Variants in PLS1 observed in about 807,000 individuals in gnomAD.
PLS1 encodes the protein plastin-1.
Under a neutral mutation model 73.7 loss-of-function variants are expected in PLS1, and 32 were observed. The ratio of observed to expected loss-of-function variants is 0.43; its 90% CI spans 0.33 to 0.58. The LOEUF is 0.58. Ranked by LOEUF, PLS1 falls within the 20% of genes least tolerant of loss-of-function variation. PLS1 has a pLI of 0.04. For synonymous variants in PLS1, 217 were observed against 261.3 expected (o/e 0.83, Z 1.63); for missense variants, 633 against 740.5 (o/e 0.85, Z 1.68).
chr3:142,662,722 G>C (rs1156304604), intron 1 of PLS1, among the ~76,000 whole-genome samples: 1 of 152,160 alleles, frequency 6.6e-6, no homozygotes, highest in Non-Finnish European at 1.5e-5. Flanking sequence ...TGAAAAATTA[G>C]AAGCAGTACA....
At chr3:142,709,527 A>G (rs1265702893) in intron 14 of PLS1, among the ~76,000 whole-genome samples, 1 of 152,248 alleles carries the variant, frequency 6.6e-6, no homozygotes, top group Non-Finnish European at 1.5e-5. Flanking sequence ...TCTAAAATTA[A>G]TAAATGAGGC....
chr3:142,656,573 T>A (rs1389182005), intron 1 of PLS1: 1 of 152,262 alleles, frequency 6.6e-6, no homozygotes, highest in Non-Finnish European at 1.5e-5. Context: ...CCAAAATGAA[T>A]GATACAGCTC....
Position 142,686,369 on chromosome 3 carries a change from G to A in PLS1, c.974G>A (p.Gly325Glu). The part of the protein sequence containing the change: ...DGPAIAIDLS[G>E]INETNDLKRA... Reference sequence around the variant, plus strand: ...CCTGCCATTGCCATTGACCTTTCAGGAATTAATGTGAGTGCAATTTTTAAC... The same window carrying A: ...CCTGCCATTGCCATTGACCTTTCAGAAATTAATGTGAGTGCAATTTTTAAC... The change falls in exon 9 of 16, where the codon GGA (glycine) becomes GAA (glutamate). Residue 325 changes from glycine to glutamate, a missense_variant. By Grantham distance (98) the Gly-to-Glu change is moderately conservative. Transcript: ENST00000457734. The A allele has an allele frequency of 1.3e-6, 2 of 1,581,628 alleles. No individual in the cohort carries two copies. The highest frequency in any genetic ancestry group is 1.7e-6 in the Non-Finnish European group (2 of 1,150,554).
intron 1 of PLS1, among the ~76,000 whole-genome samples, chr3:142,662,417 G>A (rs369182422): frequency 6.6e-6 from 1 of 152,096 alleles, no homozygotes. Context: ...GGGTCTATTG[G>A]GGGGTAGGGG....
At chr3:142,703,516 G>T (rs1273888978) in intron 12 of PLS1, among the ~76,000 whole-genome samples, 1 of 151,986 alleles carries the variant, frequency 6.6e-6, no homozygotes, top group Non-Finnish European at 1.5e-5. Flanking sequence ...GGCTGGTCTC[G>T]AACTCTTGAC....
chr3:142,672,410 T>G (rs536397723), intron 4 of PLS1, among the ~76,000 whole-genome samples: 1 of 149,866 alleles, frequency 6.7e-6, no homozygotes, highest in Non-Finnish European at 1.5e-5. Flanking sequence ...TGGTGCGATC[T>G]CGGCTCACTG....
chr3:142,623,912 T>C (rs1373443500), intron 1 of PLS1, among the ~76,000 whole-genome samples: 1 of 152,150 alleles, frequency 6.6e-6, no homozygotes, highest in African/African-American at 2.4e-5. Flanking sequence ...TGGATATAAA[T>C]TATTAGGAAA....
chr3:142,626,683 T>A (rs530620003), intron 1 of PLS1, among the ~76,000 whole-genome samples: 1 of 152,350 alleles, frequency 6.6e-6, no homozygotes, highest in South Asian at 2.1e-4. Context: ...TGTTTTCTGA[T>A]GTAGCTGGTA....
intron 1 of PLS1, among the ~76,000 whole-genome samples, chr3:142,618,705 C>G (rs1019723786): frequency 1.3e-5 from 2 of 152,120 alleles, no homozygotes; most frequent in African/African-American, 4.8e-5. Context: ...CAGCGACAGT[C>G]GGTAAAGCCC....
chr3:142,610,563 T>C (rs893236484), intron 1 of PLS1, among the ~76,000 whole-genome samples: 10 of 152,276 alleles, frequency 6.6e-5, no homozygotes, highest in African/African-American at 2.4e-4. Flanking sequence ...AATTTTCCTG[T>C]GTTTTTGTGA....
intron 10 of PLS1, among the ~76,000 whole-genome samples, chr3:142,692,432 A>T (rs1481290312): frequency 6.6e-6 from 1 of 152,138 alleles, no homozygotes; most frequent in East Asian, 1.9e-4. Context: ...ACATTTTCCA[A>T]TCTGGAACAC....
At chr3:142,655,141 T>C (rs1157449107) in intron 1 of PLS1, among the ~76,000 whole-genome samples, 1 of 151,958 alleles carries the variant, frequency 6.6e-6, no homozygotes, top group Non-Finnish European at 1.5e-5. Flanking sequence ...CAAGAATAAA[T>C]TAATGTACAT....
chr3:142,624,564 A>G (rs2036380521), intron 1 of PLS1, among the ~76,000 whole-genome samples: 1 of 152,206 alleles, frequency 6.6e-6, no homozygotes, highest in African/African-American at 2.4e-5. Context: ...CATAGACCCC[A>G]GTGCCAAAGA....
At chr3:142,662,759 A>G (rs1195794129) in intron 1 of PLS1, among the ~76,000 whole-genome samples, 1 of 152,240 alleles carries the variant, frequency 6.6e-6, no homozygotes, top group East Asian at 1.9e-4. Flanking sequence ...GGATTTACCA[A>G]ATAAGTTATG....
chr3:142,691,565 C>T (rs1453666968), intron 10 of PLS1, among the ~76,000 whole-genome samples: 1 of 152,074 alleles, frequency 6.6e-6, no homozygotes, highest in Non-Finnish European at 1.5e-5. Context: ...GTTCAGCATG[C>T]TTTTGGAATT....
At chr3:142,622,466 T>G (rs9882763) in intron 1 of PLS1, among the ~76,000 whole-genome samples, 97,153 of 151,856 alleles carry the variant, frequency 0.64, 32,683 homozygotes, top group African/African-American at 0.86. Flanking sequence ...AGGTTAGTTT[T>G]TATTTTCTAG....
chr3:142,611,045 G>C (rs927525154), intron 1 of PLS1, among the ~76,000 whole-genome samples: 14 of 152,198 alleles, frequency 9.2e-5, no homozygotes, highest in African/African-American at 3.4e-4. Context: ...CATGAAGGCT[G>C]CTATAGACAA....
At chr3:142,646,739 C>G (rs1191839309) in intron 1 of PLS1, among the ~76,000 whole-genome samples, 1 of 152,264 alleles carries the variant, frequency 6.6e-6, no homozygotes, top group East Asian at 1.9e-4. Flanking sequence ...CTTCAGCTCT[C>G]TCTTGATTCT....
chr3:142,669,903 AGC>A (rs1471867534), intron 3 of PLS1, among the ~76,000 whole-genome samples: 2 of 152,346 alleles, frequency 1.3e-5, no homozygotes, highest in African/African-American at 4.8e-5. Flanking sequence ...TTATTGATTA[AGC>A]AGGTATTTTA....
Sources: allele counts gnomAD v4.1 joint callset (sites outside exome capture counted in the v4.1 genomes callset), GRCh38; gene constraint gnomAD v4.1.1; transcripts MANE v1.5; gene names NCBI Gene and HGNC (gene_info 2026-07-23, HGNC 2026-07-21).